NUP155: variants seen among roughly 807,000 people sequenced by gnomAD.
The protein encoded by NUP155 is nucleoporin 155, also known as nuclear pore complex protein Nup155.
Under a neutral mutation model 180.4 loss-of-function variants are expected in NUP155, and 71 were observed. That is an observed-to-expected ratio of 0.39 (90% CI 0.33 to 0.48). The LOEUF is 0.48. NUP155 is among the 20% of genes least tolerant of loss of function. NUP155 has a pLI of 0.91. For missense variants in NUP155, 1,553 were observed against 1,648.9 expected, an observed-to-expected ratio of 0.94 and a Z score of 1.01; for synonymous variants, 582 against 559.5, an observed-to-expected ratio of 1.04 and a Z score of -0.57.
chr5:37,298,912 A>G lies in NUP155; in HGVS notation c.3749T>C (p.Leu1250Pro). 1 of 1,613,490 alleles carries G rather than the reference A, an allele frequency of 6.2e-7. No homozygotes were observed. The highest frequency in any genetic ancestry group is 8.5e-7 in the Non-Finnish European group (1 of 1,179,410). Residue 1250 changes from leucine to proline, a missense_variant, in exon 32 of 35, where the codon CTC becomes CCC. Physicochemically the swap from Leu to Pro is moderately conservative, Grantham distance 98. Transcript: ENST00000231498. ...TGTGCCAGCATAAATTTTGCCAAGG[A>G]GAACAATCTTGAGACTAAGAGCATG... ...RMHALSLKIV[L>P]LGKIYAGTPR...
chr5:37,370,217 C>G lies in NUP155; in HGVS notation c.157+604G>C, dbSNP rs565105929. 2.0e-5 allele frequency among the ~76,000 whole-genome samples: 3 copies of G among 152,162 alleles called. No homozygotes were observed. The East Asian group carries it at 5.8e-4, about 29-fold the overall frequency. The stretch of plus-strand genomic sequence containing the variant: ...AAACCCCGTCTCTACTTAAAAAACA[C>G]AAAAATTAGCCGGGCTTGGTGGCAG... On this transcript the variant is annotated intron_variant, in intron 1 of 34. Transcript: ENST00000231498.
At chr5:37,331,549 G>A in intron 14 of NUP155, 136 bp downstream of exon 14, 1 of 453,770 alleles carries the variant, frequency 2.2e-6, no homozygotes, top group Non-Finnish European at 3.8e-6. Flanking sequence ...ACTCCTGCCT[G>A]GGCAACAAGA....
At chr5:37,345,332 C>A (rs1337190562) in intron 9 of NUP155, among the ~76,000 whole-genome samples, 1 of 151,300 alleles carries the variant, frequency 6.6e-6, no homozygotes, top group Non-Finnish European at 1.5e-5. Flanking sequence ...AATGGTGAAA[C>A]CCCGTCTGTA....
intron 23 of NUP155, 42 bp downstream of exon 23, chr5:37,310,510 C>T (rs541574051): frequency 4.0e-6 from 6 of 1,509,032 alleles, no homozygotes; most frequent in Non-Finnish European, 4.6e-6. Context: ...ATACATGATA[C>T]CTCTTATAAC....
chr5:37,349,258 CAA>C lies in NUP155; in HGVS notation c.830-15_830-14del, dbSNP rs550342158. 4.9e-3 allele frequency: 2,591 copies of C among 529,748 alleles called. No individual in the cohort carries two copies. Among genetic ancestry groups the C allele is most frequent in the South Asian group, 7.9e-3 (316 of 39,822 alleles). 32.8% of individuals were successfully genotyped at this position (529,748 alleles called of 1,614,324 possible). On this transcript the variant is annotated splice_polypyrimidine_tract_variant and intron_variant, in intron 7 of 34. Coordinates refer to ENST00000231498, the MANE Select transcript of NUP155 (RefSeq NM_153485.3). ...TGAAGAATAGGATCTAAAAGTAAGA[CAA>C]AAAAAAAAAAGAGAAAAAAGTAAAC...
chr5:37,320,538 G>A (rs1744181328), intron 20 of NUP155, among the ~76,000 whole-genome samples: 1 of 152,202 alleles, frequency 6.6e-6, no homozygotes, highest in South Asian at 2.1e-4. Flanking sequence ...AAAGCAAGTA[G>A]AGCTAGACAA....
intron 12 of NUP155, 56 bp from the exon 13 acceptor site, chr5:37,333,689 G>GA (rs1745128872): frequency 7.7e-7 from 1 of 1,298,284 alleles, no homozygotes. Flanking sequence ...TAATGCAAAA[G>GA]AAAAAACTAC....
At chr5:37,370,334 TG>T (rs1218439031) in intron 1 of NUP155, among the ~76,000 whole-genome samples, 1 of 152,228 alleles carries the variant, frequency 6.6e-6, no homozygotes, top group African/African-American at 2.4e-5. Flanking sequence ...ATCGCGCCAT[TG>T]CACTTCAGCC....
chr5:37,328,415 G>T lies in NUP155; in HGVS notation c.1819C>A (p.Pro607Thr). The T allele has an allele frequency of 6.3e-7, 1 of 1,597,818 alleles. No homozygotes were observed. Among genetic ancestry groups the T allele is most frequent in the South Asian group, 1.1e-5 (1 of 90,648 alleles). The change falls in exon 17 of 35, where the codon CCT becomes ACT. Residue 607 changes from proline to threonine, a missense_variant. Coordinates refer to ENST00000231498, the MANE Select transcript of NUP155 (RefSeq NM_153485.3). ...GGATAGGGACTACCACTAGGAACAGGAGAACCTAAAAAGGGAAAGAAGAAT... is the reference window on the plus strand; with the variant it reads ...GGATAGGGACTACCACTAGGAACAGTAGAACCTAAAAAGGGAAAGAAGAAT... ...ILGSPVYSSS[P>T]VPSGSPYPNP...
At chr5:37,314,843 A>G (rs1743782853) in intron 21 of NUP155, among the ~76,000 whole-genome samples, 1 of 152,204 alleles carries the variant, frequency 6.6e-6, no homozygotes, top group African/African-American at 2.4e-5. Flanking sequence ...AAAAGATAGT[A>G]AAAAAGAATT....
chr5:37,315,206 T>G (rs1743806259), intron 21 of NUP155, among the ~76,000 whole-genome samples: 1 of 152,046 alleles, frequency 6.6e-6, no homozygotes, highest in Non-Finnish European at 1.5e-5. Context: ...CACTCCAGCC[T>G]CGGCGAAAAA....
chr5:37,304,789 C>T lies in NUP155; in HGVS notation c.3112G>A (p.Ala1038Thr), dbSNP rs975463773. The T allele has an allele frequency of 1.2e-6, 2 of 1,613,792 alleles. No homozygotes were observed. ...ACTTGTATTAGCCAATTATAAAGGG[C>T]AATACTAAAGAGCTCATCCTTGGAT... ...QRSKDELFSI[A>T]LYNWLIQVDL... The change falls in exon 27 of 35, where the codon GCC (alanine) becomes ACC (threonine). Residue 1038 changes from alanine (A) to threonine (T), a missense_variant. By Grantham distance (58) the Ala-to-Thr change is moderately conservative (BLOSUM62 0). Transcript: ENST00000231498.
Position 37,318,016 on chromosome 5 carries a change from C to G in NUP155, c.2277G>C (p.Met759Ile). ...MRPENGNPQQ[M>I]QQELQRKFHE... ...GAAACTTCCTCTGCAGTTCCTGTTG[C>G]ATTTGCTGGGGATTTCCGTTTTCAG... The change falls in exon 21 of 35, where the codon ATG becomes ATC. Residue 759 changes from methionine to isoleucine, a missense_variant. Physicochemically the swap from Met to Ile is conservative, Grantham distance 10. Transcript: ENST00000231498. 5 of 1,610,726 alleles carry G rather than the reference C, an allele frequency of 3.1e-6. No individual in the cohort carries two copies. The South Asian group carries it at 3.3e-5, about 11-fold the overall frequency.
intron 13 of NUP155, among the ~76,000 whole-genome samples, chr5:37,332,049 G>C (rs1744997993): frequency 1.3e-5 from 2 of 150,880 alleles, no homozygotes; most frequent in Non-Finnish European, 2.9e-5. Context: ...ACCTCCAGTA[G>C]ATCTATATAT....
Position 37,301,358 on chromosome 5 carries a change from A to T in NUP155, c.3561+79T>A. 4.5e-6 allele frequency: 4 copies of T among 891,018 alleles called. No homozygotes were observed. The South Asian group carries it at 5.5e-5, about 12-fold the overall frequency. 55.2% of individuals were successfully genotyped at this position (891,018 alleles called of 1,614,324 possible). A position where few individuals can be genotyped will look rare whatever the true frequency, so the allele number is the denominator to read the frequency against. ...TGGAGATAAGGTAATTTTCCCCATG[A>T]AACAAAAAGCAAAATAAAAAACAAA... is the stretch of plus-strand genomic sequence containing the variant. On this transcript the variant is annotated intron_variant, in intron 30 of 34. Transcript: ENST00000231498.
chr5:37,361,835 T>C (rs1747243472), intron 3 of NUP155, among the ~76,000 whole-genome samples: 1 of 152,284 alleles, frequency 6.6e-6, no homozygotes, highest in Non-Finnish European at 1.5e-5. Context: ...CCTCCTAAAA[T>C]TCATATTAAA....
In NUP155 at chr5:37,327,653, C is replaced by A; in HGVS notation, c.2000G>T (p.Cys667Phe). 4.3e-6 allele frequency: 7 copies of A among 1,614,074 alleles called. No homozygotes were observed. Among genetic ancestry groups the A allele is most frequent in the Non-Finnish European group, 5.9e-6 (7 of 1,180,006 alleles). ...CCCCATGATCCGAGAAAAGTAAATG[C>A]AAATACCATTGTGTTTTCCAGAGTA... ...IVYSGKHNGI[C>F]IYFSRIMGNI... The change falls in exon 18 of 35, where the codon TGC becomes TTC. Residue 667 changes from cysteine to phenylalanine, a missense_variant. Physicochemically the swap from Cys to Phe is radical, Grantham distance 205. Transcript: ENST00000231498.
intron 12 of NUP155, among the ~76,000 whole-genome samples, chr5:37,335,813 G>A (rs569465326): frequency 1.3e-5 from 2 of 152,212 alleles, no homozygotes; most frequent in South Asian, 2.1e-4. Flanking sequence ...TTAGACAAGA[G>A]TGGTGGCATG....
intron 12 of NUP155, among the ~76,000 whole-genome samples, chr5:37,337,492 G>A (rs984707735): frequency 2.0e-5 from 3 of 151,840 alleles, no homozygotes; most frequent in Non-Finnish European, 4.4e-5. Context: ...TTTAAATGAG[G>A]TAAAGATCAT....
Sources: allele counts gnomAD v4.1 joint callset (sites outside exome capture counted in the v4.1 genomes callset), GRCh38; gene constraint gnomAD v4.1.1; transcripts MANE v1.5; gene names NCBI Gene and HGNC (gene_info 2026-07-23, HGNC 2026-07-21).